NOS1: variants seen among roughly 807,000 people sequenced by gnomAD.
The protein encoded by NOS1 is nitric oxide synthase 1.
In NOS1, 51 loss-of-function variants were observed where a neutral mutation model predicts 164.5. The observed-to-expected ratio is 0.31, with a 90% confidence interval of 0.25 to 0.39. NOS1 has a LOEUF of 0.39. NOS1 is among the 10% of genes least tolerant of loss of function. The pLI, the probability that NOS1 is intolerant of heterozygous loss-of-function variation, is 1.00. For missense variants in NOS1, 1,362 were observed against 1,885.6 expected (o/e 0.72, Z 5.14); for synonymous variants, 719 against 745.8 (o/e 0.96, Z 0.59).
At chr12:117,254,023 TA>T (rs1337294784) in intron 16 of NOS1, among the ~76,000 whole-genome samples, 1 of 152,116 alleles carries the variant, frequency 6.6e-6, no homozygotes, top group African/African-American at 2.4e-5. Context: ...CCCATAAAGT[TA>T]AAATGATTTA....
Position 117,215,068 on chromosome 12 carries a change from A to C in NOS1, c.*241T>G. On this transcript the variant is annotated 3_prime_UTR_variant, in exon 29 of 29. Transcript: ENST00000317775. ...CTTGTCGGCAAGAGAGGGAGTGGGA[A>C]CAGAGTTTTGTAAGAGCCACTGCAG... 1 of 1,210,998 alleles carries C rather than the reference A, an allele frequency of 8.3e-7. No homozygotes were observed. 75.0% of individuals were successfully genotyped at this position (1,210,998 alleles called of 1,614,324 possible). A position where few individuals can be genotyped will look rare whatever the true frequency, so the allele number is the denominator to read the frequency against.
At chr12:117,236,652 C>G (rs1010805480) in intron 20 of NOS1, among the ~76,000 whole-genome samples, 1 of 152,138 alleles carries the variant, frequency 6.6e-6, no homozygotes, top group South Asian at 2.1e-4. Context: ...CTCGCAGAAG[C>G]CGGGGCCAGC....
intron 1 of NOS1, among the ~76,000 whole-genome samples, chr12:117,335,731 A>G (rs377723487): frequency 7.6e-4 from 43 of 56,550 alleles, no homozygotes; most frequent in African/African-American, 2.5e-3. Flanking sequence ...AGACTATATG[A>G]GAGAGAGAGA....
At position 117,218,237 on chromosome 12, in the gene NOS1, T is replaced by C. The variant is rs550453346; in HGVS notation, c.4171-73A>G. ...GGCTTGGAGCAGGGGCAGACTTGCC[T>C]GACACCTGGAATGGAATATCCCTAA... On this transcript the variant is annotated intron_variant, in intron 27 of 28. Coordinates refer to ENST00000317775, the MANE Select transcript of NOS1 (RefSeq NM_000620.5). 6 of 1,067,030 alleles carry C rather than the reference T, an allele frequency of 5.6e-6. 1 individual carries two copies. In the South Asian group the frequency reaches 7.6e-5, roughly 14 times the overall value. The allele number at this position is 1,067,030 out of a possible 1,614,324, so 66.1% of individuals were successfully genotyped here.
chr12:117,299,468 C>T (rs969818975), intron 3 of NOS1, among the ~76,000 whole-genome samples: 1 of 151,864 alleles, frequency 6.6e-6, no homozygotes, highest in Non-Finnish European at 1.5e-5. Context: ...GAAACCCCAC[C>T]TCCACTAAAA....
intron 22 of NOS1, among the ~76,000 whole-genome samples, chr12:117,231,482 C>T (rs1222708360): frequency 6.6e-6 from 1 of 152,004 alleles, no homozygotes; most frequent in African/African-American, 2.4e-5. Flanking sequence ...ACCCCATTTG[C>T]CCTGATGTGA....
intron 3 of NOS1, among the ~76,000 whole-genome samples, chr12:117,310,652 A>AT (rs145588341): frequency 2.0e-5 from 3 of 151,756 alleles, no homozygotes; most frequent in Non-Finnish European, 4.4e-5. Context: ...TTATTTCAAT[A>AT]TTTTTTTAGA....
intron 22 of NOS1, among the ~76,000 whole-genome samples, chr12:117,227,984 T>C (rs1457660180): frequency 6.6e-6 from 1 of 151,350 alleles, no homozygotes; most frequent in Non-Finnish European, 1.5e-5. Context: ...TGAGCTATGA[T>C]CATGCCACTG....
chr12:117,215,981 G>A (rs1385212775), intron 28 of NOS1, among the ~76,000 whole-genome samples: 2 of 145,958 alleles, frequency 1.4e-5, no homozygotes, highest in East Asian at 2.0e-4. Flanking sequence ...AGGTTCAAGC[G>A]ATTCCTGTGT....
intron 25 of NOS1, among the ~76,000 whole-genome samples, chr12:117,224,293 A>T (rs1263978918): frequency 6.6e-6 from 1 of 151,340 alleles, no homozygotes; most frequent in Non-Finnish European, 1.5e-5. Flanking sequence ...TTTATATTTT[A>T]TTTTTTTTCT....
Position 117,215,200 on chromosome 12 carries a change from C to T in NOS1, c.*109G>A, listed in dbSNP as rs1956585700. 19 of 1,351,102 alleles carry T rather than the reference C, an allele frequency of 1.4e-5. No homozygotes were observed. Among genetic ancestry groups the T allele is most frequent in the South Asian group, 9.9e-5 (4 of 40,594 alleles). 83.7% of individuals were successfully genotyped at this position (1,351,102 alleles called of 1,614,324 possible). A position where few individuals can be genotyped will look rare whatever the true frequency, so the allele number is the denominator to read the frequency against. Reference sequence around the variant, plus strand: ...CCCGAGGAGGGAAACCAGGGCACAGCGACAAGGACAGGAGGCAGAGCGAGG... The same window carrying T: ...CCCGAGGAGGGAAACCAGGGCACAGTGACAAGGACAGGAGGCAGAGCGAGG... On this transcript the variant is annotated 3_prime_UTR_variant, in exon 29 of 29. Coordinates refer to ENST00000317775, the MANE Select transcript of NOS1 (RefSeq NM_000620.5).
At chr12:117,281,706 T>C (rs1044965815) in intron 7 of NOS1, among the ~76,000 whole-genome samples, 13 of 149,832 alleles carry the variant, frequency 8.7e-5, no homozygotes, top group Non-Finnish European at 1.8e-4. Flanking sequence ...TGGTGGGGGG[T>C]GCCTGTAGTC....
In NOS1 at chr12:117,265,334, G is replaced by A; in HGVS notation, c.2118C>T (p.Thr706=). ...FHQEMLNYRL[T]PSFEYQPDPW... ...GAAGGACCTGGTATTCGAAGGAGGG[G>A]GTGAGCCGGTAGTTGAGCATCTCCT... is the stretch of plus-strand genomic sequence containing the variant. Residue 706 remains threonine (T), a synonymous_variant, in exon 12 of 29, where the codon ACC becomes ACT. Coordinates refer to ENST00000317775, the MANE Select transcript of NOS1 (RefSeq NM_000620.5). 2.6e-6 allele frequency: 4 copies of A among 1,554,266 alleles called. No homozygotes were observed. The highest frequency in any genetic ancestry group is 3.5e-6 in the Non-Finnish European group (4 of 1,143,944).
chr12:117,226,419 C>T (rs538992758), intron 24 of NOS1, among the ~76,000 whole-genome samples: 25 of 152,210 alleles, frequency 1.6e-4, no homozygotes, highest in African/African-American at 5.3e-4. Flanking sequence ...TGGTTTTCCC[C>T]GATAGCTCCA....
intron 21 of NOS1, among the ~76,000 whole-genome samples, chr12:117,233,682 C>G (rs558787316): frequency 6.6e-6 from 1 of 151,826 alleles, no homozygotes; most frequent in Non-Finnish European, 1.5e-5. Flanking sequence ...GTGGCACGCG[C>G]CTGTAATCCC....
chr12:117,353,789 G>T (rs1428193398), intron 1 of NOS1, among the ~76,000 whole-genome samples: 6 of 151,888 alleles, frequency 4.0e-5, no homozygotes, highest in Non-Finnish European at 8.8e-5. Flanking sequence ...TTTTAAAATA[G>T]CCCTCCTCTA....
At chr12:117,301,873 C>T (rs1303609717) in intron 3 of NOS1, 1 of 403,442 alleles carries the variant, frequency 2.5e-6, no homozygotes, top group Non-Finnish European at 5.0e-6. Flanking sequence ...TCTTATCTGC[C>T]TCAAATTCGC....
intron 2 of NOS1, among the ~76,000 whole-genome samples, chr12:117,317,175 C>G (rs1426068850): frequency 6.6e-6 from 1 of 152,086 alleles, no homozygotes; most frequent in Non-Finnish European, 1.5e-5. Context: ...GCCACTGCGC[C>G]TGGCCTGTTT....
chr12:117,233,842 C>T (rs1231383082), intron 21 of NOS1, among the ~76,000 whole-genome samples: 1 of 148,522 alleles, frequency 6.7e-6, no homozygotes, highest in Non-Finnish European at 1.5e-5. Context: ...GAGGGTATGT[C>T]TCTCTAAAGT....
Sources: allele counts gnomAD v4.1 joint callset (sites outside exome capture counted in the v4.1 genomes callset), GRCh38; gene constraint gnomAD v4.1.1; transcripts MANE v1.5; gene names NCBI Gene and HGNC (gene_info 2026-07-23, HGNC 2026-07-21).